The following SORBS3 variants were observed in gnomAD, a reference collection of about 807,000 sequenced individuals.
The protein encoded by SORBS3 is sorbin and SH3 domain containing 3.
In SORBS3, 69 loss-of-function variants were observed where a neutral mutation model predicts 98.0. The observed-to-expected ratio is 0.70, with a 90% confidence interval of 0.58 to 0.86. SORBS3 has a LOEUF of 0.86. Ranked by LOEUF, SORBS3 falls within the 40% of genes least tolerant of loss-of-function variation. The pLI is 0.00. For synonymous variants in SORBS3, 394 were observed against 355.4 expected (o/e 1.11, Z -1.22); for missense variants, 954 against 908.5 (o/e 1.05, Z -0.64).
At chr8:22,574,178 C>G (rs530082967) in intron 20 of SORBS3, among the ~76,000 whole-genome samples, 6 of 152,138 alleles carry the variant, frequency 3.9e-5, no homozygotes, top group East Asian at 1.9e-4. Flanking sequence ...GGTTCCCCCC[C>G]CTCCTCCTCT....
At chr8:22,551,795 C>T, upstream of SORBS3, 3 of 985,614 alleles carry the variant, frequency 3.0e-6, no homozygotes, top group Non-Finnish European at 3.6e-6. This position sits in a 1 kb window ranked among gnomAD's most constrained non-coding sequence, Gnocchi z 5.8. Flanking sequence ...GCCCGCCCCG[C>T]CGCGCGACTC....
intron 4 of SORBS3, among the ~76,000 whole-genome samples, 178 bp downstream of exon 4, chr8:22,557,086 C>A (rs904313731): frequency 6.6e-6 from 1 of 152,198 alleles, no homozygotes; most frequent in Non-Finnish European, 1.5e-5. Flanking sequence ...GCTGCAGACA[C>A]CCTCGTGTGC....
intron 3 of SORBS3, among the ~76,000 whole-genome samples, chr8:22,555,494 G>A (rs189181987): frequency 3.9e-5 from 6 of 152,342 alleles, no homozygotes; most frequent in East Asian, 3.9e-4. Context: ...GACAGGTGCT[G>A]TGTAAAGGAA....
Position 22,554,868 on chromosome 8 carries a change from C to T in SORBS3, c.108C>T (p.Pro36=), listed in dbSNP as rs207468998. 4.6e-5 allele frequency: 74 copies of T among 1,613,202 alleles called. No individual in the cohort carries two copies. The African/African-American group carries it at 5.9e-4, about 13-fold the overall frequency. ...IGSSSRGTRV[P]VIRNGGSNTL... The stretch of plus-strand genomic sequence containing the variant: ...CTCCTGGCCCCTCCCCGCAGGTGCC[C>T]GTGATCCGGAATGGTGGCTCCAACA... Residue 36 remains proline, a synonymous_variant, in exon 3 of 21, where the codon CCC becomes CCT. Transcript: ENST00000240123. This position sits in a 1 kb window ranked among gnomAD's most constrained non-coding sequence, Gnocchi z 6.5.
chr8:22,546,672 T>C (rs2117180389), intron 1 of SORBS3, among the ~76,000 whole-genome samples: 1 of 152,346 alleles, frequency 6.6e-6, no homozygotes, highest in Middle Eastern at 3.4e-3. Context: ...TTTTGTACTC[T>C]TGTAATTTAA....
At chr8:22,567,805 AT>A (rs1286817000) in intron 16 of SORBS3, among the ~76,000 whole-genome samples, 1 of 150,760 alleles carries the variant, frequency 6.6e-6, no homozygotes, top group African/African-American at 2.4e-5. Flanking sequence ...GTCTCTTACT[AT>A]CCTTTTCATG....
upstream of SORBS3, among the ~76,000 whole-genome samples, chr8:22,551,340 C>T (rs969690102): frequency 6.6e-6 from 1 of 152,094 alleles, no homozygotes; most frequent in African/African-American, 2.4e-5. This position sits in a 1 kb window ranked among gnomAD's most constrained non-coding sequence, Gnocchi z 5.8. Flanking sequence ...TCCCCTGGTC[C>T]GCTCCGCCAC....
Position 22,571,151 on chromosome 8 carries a change from TG to T in SORBS3, c.1679del (p.Gly560AspfsTer170). 6.3e-7 allele frequency: 1 copy of T among 1,594,138 alleles called. No individual in the cohort carries two copies. The highest frequency in any genetic ancestry group is 8.5e-7 in the Non-Finnish European group (1 of 1,172,452). ...ALRSPADPID[L>X]GGQTSPRRTG... is the part of the protein sequence containing the mutation. Reference sequence around the variant, plus strand: ...CGCAGCCCAGCTGACCCCATCGACTTGGGGGGACAGACCTCCCCCCGTCGCA... The same window carrying T: ...CGCAGCCCAGCTGACCCCATCGACTTGGGGGACAGACCTCCCCCCGTCGCA... On this transcript the variant is annotated frameshift_variant, in exon 18 of 21. Transcript: ENST00000240123. LOFTEE classifies it high-confidence loss of function.
intron 20 of SORBS3, among the ~76,000 whole-genome samples, chr8:22,573,650 G>A (rs1268037963): frequency 6.6e-6 from 1 of 151,672 alleles, no homozygotes; most frequent in African/African-American, 2.4e-5. Context: ...AGGAAAGGGA[G>A]GTACTCGGGG....
At chr8:22,552,207 T>C (rs1166638086) in intron 1 of SORBS3, among the ~76,000 whole-genome samples, 185 bp downstream of exon 1, 1 of 152,232 alleles carries the variant, frequency 6.6e-6, no homozygotes, top group Non-Finnish European at 1.5e-5. Context: ...CCACGTGGCC[T>C]TGTCGCTGAG....
chr8:22,564,254 C>A, intron 8 of SORBS3, 29 bp from the exon 9 acceptor site: 6 of 1,562,670 alleles, frequency 3.8e-6, no homozygotes, highest in Non-Finnish European at 5.2e-6. Context: ...GCCCTCTTCA[C>A]AAGCTGACAC....
chr8:22,573,561 T>C (rs964272080), intron 20 of SORBS3: 4 of 385,690 alleles, frequency 1.0e-5, no homozygotes, highest in African/African-American at 8.5e-5. Flanking sequence ...TTTTAGTTAG[T>C]GCAGGTCAGG....
chr8:22,575,062 T>G lies in SORBS3; in HGVS notation c.*334T>G. 1 of 478,406 alleles carries G rather than the reference T, an allele frequency of 2.1e-6. No homozygotes were observed. Among genetic ancestry groups the G allele is most frequent in the Non-Finnish European group, 4.1e-6 (1 of 246,634 alleles). The allele number at this position is 478,406 out of a possible 1,614,324, so 29.6% of individuals were successfully genotyped here. On this transcript the variant is annotated 3_prime_UTR_variant, in exon 21 of 21. Coordinates refer to ENST00000240123, the MANE Select transcript of SORBS3 (RefSeq NM_005775.5). Reference sequence around the variant, plus strand: ...CCCCATCCTGCTCCAGCGTTTCCTCTAACAGGGACCAGCTCTCCGCTTTGC... The same window carrying G: ...CCCCATCCTGCTCCAGCGTTTCCTCGAACAGGGACCAGCTCTCCGCTTTGC...
At chr8:22,549,996 T>C (rs990151608), upstream of SORBS3, 30 of 985,300 alleles carry the variant, frequency 3.0e-5, no homozygotes, top group African/African-American at 5.2e-4. Context: ...CTTCACCATC[T>C]TGGGAGAAGA....
chr8:22,550,921 AT>A, upstream of SORBS3, among the ~76,000 whole-genome samples: 1 of 152,278 alleles, frequency 6.6e-6, no homozygotes, highest in South Asian at 2.1e-4. Flanking sequence ...CGGTCCTTCA[AT>A]GTTCCTTAAG....
chr8:22,566,269 G>T, intron 12 of SORBS3, 76 bp from the exon 13 acceptor site: 1 of 1,509,950 alleles, frequency 6.6e-7, no homozygotes, highest in South Asian at 1.3e-5. Flanking sequence ...GCGATGGGGG[G>T]TCAGAGCGGT....
chr8:22,551,440 C>T (rs1390730395), upstream of SORBS3, among the ~76,000 whole-genome samples: 1 of 152,110 alleles, frequency 6.6e-6, no homozygotes, highest in Non-Finnish European at 1.5e-5. This position sits in a 1 kb window ranked among gnomAD's most constrained non-coding sequence, Gnocchi z 5.8. Flanking sequence ...TGTCCTGGCT[C>T]CGCCCGGTTC....
chr8:22,559,785 G>A lies in SORBS3; in HGVS notation c.479-1550G>A, dbSNP rs1222704575. On this transcript the variant is annotated intron_variant, in intron 5 of 20. Transcript: ENST00000240123. ...GAGTGAAGAGGTTGAGTAAGCAGAT[G>A]AATATCCAAGTCTGCAGTTCACGGG... is the stretch of plus-strand genomic sequence containing the variant. Among the ~76,000 whole-genome samples, 3 of 152,096 alleles carry A rather than the reference G, an allele frequency of 2.0e-5. No homozygotes were observed. The South Asian group carries it at 6.2e-4, about 32-fold the overall frequency.
chr8:22,550,476 C>T (rs1840063855), upstream of SORBS3, among the ~76,000 whole-genome samples: 1 of 152,234 alleles, frequency 6.6e-6, no homozygotes, highest in African/African-American at 2.4e-5. Context: ...TGTGTGTCCA[C>T]ATGGCAGCCC....
Sources: allele counts gnomAD v4.1 joint callset (sites outside exome capture counted in the v4.1 genomes callset), GRCh38; gene constraint gnomAD v4.1.1; non-coding constraint Gnocchi (gnomAD v3.1); transcripts MANE v1.5; gene names NCBI Gene and HGNC (gene_info 2026-07-23, HGNC 2026-07-21).